Variants in METTL8 observed in about 807,000 individuals in gnomAD.
METTL8 encodes tRNA N(3)-cytidine methyltransferase METTL8, mitochondrial.
METTL8 carries 32 observed loss-of-function variants against 48.7 expected under a neutral mutation model. The observed-to-expected ratio is 0.66, with a 90% CI of 0.50 to 0.88. The LOEUF (loss-of-function observed/expected upper bound fraction) is 0.88. Among genes scored for constraint, METTL8 ranks in the 40% least tolerant of loss-of-function variants. The pLI, the probability that METTL8 is intolerant of heterozygous loss-of-function variation, is 0.00. For synonymous variants in METTL8, 136 were observed against 157.1 expected (o/e 0.87, Z 1.01); for missense variants, 464 against 474.4 (o/e 0.98, Z 0.20).
intron 5 of METTL8, among the ~76,000 whole-genome samples, chr2:171,337,073 G>A (rs191462925): frequency 2.4e-4 from 36 of 151,940 alleles, no homozygotes; most frequent in African/African-American, 7.5e-4. Flanking sequence ...CACCATGTTG[G>A]TCAGGCTGGT....
At chr2:171,352,825 C>A (rs1391860654) in intron 3 of METTL8, among the ~76,000 whole-genome samples, 1 of 152,124 alleles carries the variant, frequency 6.6e-6, no homozygotes, top group Non-Finnish European at 1.5e-5. Context: ...TCCCCTTTAT[C>A]ATTTTTTATT....
At chr2:171,372,600 A>T (rs1305129622) in intron 2 of METTL8, among the ~76,000 whole-genome samples, 2 of 151,998 alleles carry the variant, frequency 1.3e-5, no homozygotes, top group Non-Finnish European at 2.9e-5. Flanking sequence ...CGTCATTTAC[A>T]TTAGGTACAT....
chr2:171,428,448 G>C (rs1236997494), intron 1 of METTL8, among the ~76,000 whole-genome samples: 1 of 151,672 alleles, frequency 6.6e-6, no homozygotes, highest in East Asian at 1.9e-4. Flanking sequence ...TTGAGCCCAG[G>C]AGTTCAGCAC....
intron 5 of METTL8, among the ~76,000 whole-genome samples, chr2:171,333,443 A>G (rs1399450534): frequency 6.6e-6 from 1 of 152,208 alleles, no homozygotes; most frequent in Non-Finnish European, 1.5e-5. Flanking sequence ...TAACTATGAT[A>G]ACATATAATT....
chr2:171,336,692 C>T (rs1156329435), intron 5 of METTL8, among the ~76,000 whole-genome samples: 2 of 152,016 alleles, frequency 1.3e-5, no homozygotes, highest in Non-Finnish European at 2.9e-5. Flanking sequence ...ATTTGGCATG[C>T]AAACATCTTA....
intron 2 of METTL8, among the ~76,000 whole-genome samples, chr2:171,368,155 C>G (rs62181352): frequency 0.18 from 27,825 of 152,110 alleles, 2,698 homozygotes; most frequent in South Asian, 0.28. Flanking sequence ...ATTGATGAAG[C>G]AGTAAAAACT....
chr2:171,382,536 A>G (rs1172077159), intron 2 of METTL8, among the ~76,000 whole-genome samples: 1 of 152,052 alleles, frequency 6.6e-6, no homozygotes, highest in Non-Finnish European at 1.5e-5. Flanking sequence ...GGGGAACAAC[A>G]TACACAGGGG....
chr2:171,405,965 A>G (rs1032172409), intron 1 of METTL8, among the ~76,000 whole-genome samples: 2 of 152,206 alleles, frequency 1.3e-5, no homozygotes, highest in African/African-American at 4.8e-5. Flanking sequence ...CATTTGAATA[A>G]AAGAATGTCA....
In METTL8 at chr2:171,320,653, T is replaced by C. The variant is rs1684481383; in HGVS notation, c.*3519A>G. Reference sequence around the variant, plus strand: ...TTTCATGACTAGTTTGGCTTTTTAATGTACACTTTAATTATGAAATACAAC... The same window carrying C: ...TTTCATGACTAGTTTGGCTTTTTAACGTACACTTTAATTATGAAATACAAC... On this transcript the variant is annotated 3_prime_UTR_variant, in exon 10 of 10. Transcript: ENST00000375258. 6.6e-6 allele frequency: 1 copy of C among 152,238 alleles called. No homozygotes were observed. Among genetic ancestry groups the C allele is most frequent in the East Asian group, 1.9e-4 (1 of 5,202 alleles). The allele number at this position is 152,238 out of a possible 1,614,324, so 9.4% of individuals were successfully genotyped here. A position where few individuals can be genotyped will look rare whatever the true frequency, so the allele number is the denominator to read the frequency against.
chr2:171,400,927 C>T (rs898777834), intron 1 of METTL8, among the ~76,000 whole-genome samples: 2 of 152,108 alleles, frequency 1.3e-5, no homozygotes, highest in African/African-American at 4.8e-5. Context: ...GGATGATTCC[C>T]AGTTGTCTCA....
chr2:171,401,456 CA>C, intron 1 of METTL8, among the ~76,000 whole-genome samples: 1 of 152,126 alleles, frequency 6.6e-6, no homozygotes, highest in African/African-American at 2.4e-5. Context: ...TAAGTATTTG[CA>C]GAGCATTTTG....
At chr2:171,327,223 T>C (rs1303731596) in intron 7 of METTL8, among the ~76,000 whole-genome samples, 1 of 152,260 alleles carries the variant, frequency 6.6e-6, no homozygotes, top group African/African-American at 2.4e-5. Context: ...TCCAGTCAAA[T>C]ACAATCCCTT....
intron 6 of METTL8, among the ~76,000 whole-genome samples, chr2:171,331,469 T>A (rs867597804): frequency 4.3e-4 from 64 of 150,240 alleles, no homozygotes; most frequent in African/African-American, 1.5e-3. Flanking sequence ...CAGGCTGGAG[T>A]GCTGTGGCAC....
At chr2:171,389,153 T>C (rs557942010) in intron 2 of METTL8, among the ~76,000 whole-genome samples, 2 of 152,294 alleles carry the variant, frequency 1.3e-5, no homozygotes, top group African/African-American at 4.8e-5. Flanking sequence ...CAAGCTGAGA[T>C]AGGACAAAAC....
At position 171,363,792 on chromosome 2, in the gene METTL8, T is replaced by TTATATATATATATATATATA. The variant is rs200347847; in HGVS notation, c.144-3299_144-3280dup. On this transcript the variant is annotated intron_variant, in intron 2 of 9. Coordinates refer to ENST00000375258, the MANE Select transcript of METTL8 (RefSeq NM_001321154.2). Reference sequence around the variant, plus strand: ...GGTTAAAAAAGTACATCCCCAAATTTTATATATATATATATATATATATCT... The same window carrying TTATATATATATATATATATA: ...GGTTAAAAAAGTACATCCCCAAATTTTATATATATATATATATATATATATATATATATATATATATATCT... 5.5e-3 allele frequency among the ~76,000 whole-genome samples: 538 copies of TTATATATATATATATATATA among 97,346 alleles called. 12 individuals are homozygous for TTATATATATATATATATATA. Among genetic ancestry groups the TTATATATATATATATATATA allele is most frequent in the Non-Finnish European group, 7.4e-3 (358 of 48,104 alleles). 63.9% of individuals were successfully genotyped at this position (97,346 alleles called of 152,430 possible). A position where few individuals can be genotyped will look rare whatever the true frequency, so the allele number is the denominator to read the frequency against.
At chr2:171,381,780 CTTTTT>C (rs35185395) in intron 2 of METTL8, among the ~76,000 whole-genome samples, 2 of 125,670 alleles carry the variant, frequency 1.6e-5, no homozygotes, top group African/African-American at 3.1e-5. Context: ...ATTAGGAACA[CTTTTT>C]TTTTTTTTTT....
chr2:171,356,231 C>T (rs1294055065), intron 3 of METTL8, among the ~76,000 whole-genome samples: 1 of 152,154 alleles, frequency 6.6e-6, no homozygotes, highest in Non-Finnish European at 1.5e-5. Context: ...ACCTCTGCTT[C>T]CTGGGTTCAA....
intron 3 of METTL8, among the ~76,000 whole-genome samples, chr2:171,351,595 G>T (rs1683932959): frequency 6.6e-6 from 1 of 152,286 alleles, no homozygotes; most frequent in East Asian, 1.9e-4. Context: ...CTATCCATGA[G>T]CATGGAATGT....
At chr2:171,405,367 G>A (rs13420838) in intron 1 of METTL8, among the ~76,000 whole-genome samples, 8,243 of 152,178 alleles carry the variant, frequency 0.054, 242 homozygotes, top group African/African-American at 0.072. Context: ...GTTAGTTTAT[G>A]GGACTCAATA....
Sources: allele counts gnomAD v4.1 joint callset (sites outside exome capture counted in the v4.1 genomes callset), GRCh38; gene constraint gnomAD v4.1.1; transcripts MANE v1.5; gene names NCBI Gene and HGNC (gene_info 2026-07-23, HGNC 2026-07-21).